ARHGAP29: variants seen among roughly 807,000 people sequenced by gnomAD.
ARHGAP29 encodes rho GTPase-activating protein 29.
A neutral mutation model predicts 122.6 loss-of-function variants in ARHGAP29; 43 were observed. The observed-to-expected ratio is 0.35, with a 90% CI of 0.27 to 0.45. The LOEUF is 0.45. ARHGAP29 is among the 20% of genes least tolerant of loss of function. ARHGAP29 has a pLI of 1.00. For missense variants in ARHGAP29, 1,303 were observed against 1,477.2 expected, an observed-to-expected ratio of 0.88 and a Z score of 1.93; for synonymous variants, 506 against 497.1, an observed-to-expected ratio of 1.02 and a Z score of -0.24.
At position 94,179,890 on chromosome 1, in the gene ARHGAP29, T is replaced by A. The variant is rs1649347683; in HGVS notation, c.2315A>T (p.His772Leu). 15 of 1,613,092 alleles carry A rather than the reference T, an allele frequency of 9.3e-6. No homozygotes were observed. The highest frequency in any genetic ancestry group is 1.3e-5 in the African/African-American group (1 of 74,914). The change falls in exon 20 of 23, where the codon CAT (histidine) becomes CTT (leucine). Residue 772 changes from histidine (H) to leucine (L), a missense_variant. This residue lies in a region of ARHGAP29 where 620 missense variants were observed against 651.2 expected (regional missense o/e 0.95). Transcript: ENST00000260526. Reference protein sequence around the residue: ...EFIDLAKEIQHVNEEQETKKN... With the variant: ...EFIDLAKEIQLVNEEQETKKN... ...TTTTGTCTCTTGTTCTTCATTTACA[T>A]GTTGGATCTCTTTTGCAAGGTCTAT...
the ARHGAP29 span, among the ~76,000 whole-genome samples, chr1:94,308,097 A>G: frequency 1.3e-5 from 2 of 152,182 alleles, no homozygotes; most frequent in Non-Finnish European, 2.9e-5. Context: ...TATTGATTTC[A>G]CTTGACTGAA....
intron 1 of ARHGAP29, among the ~76,000 whole-genome samples, chr1:94,255,586 G>C (rs1397965396): frequency 6.6e-6 from 1 of 152,114 alleles, no homozygotes; most frequent in Non-Finnish European, 1.5e-5. Context: ...TGTTAAGTGC[G>C]GCATTTCTTC....
chr1:94,189,470 A>C, intron 13 of ARHGAP29, 118 bp from the exon 14 acceptor site: 1 of 1,234,288 alleles, frequency 8.1e-7, no homozygotes, highest in Non-Finnish European at 1.1e-6. Flanking sequence ...GAATTAAACT[A>C]AATATTAAAA....
intron 3 of ARHGAP29, among the ~76,000 whole-genome samples, chr1:94,215,309 AAAAAC>A (rs981732260): frequency 1.1e-4 from 17 of 151,710 alleles, no homozygotes; most frequent in Admixed American, 4.6e-4. Flanking sequence ...CAAATCATCA[AAAAAC>A]AAAACAAAAC....
At chr1:94,280,597 G>A in the ARHGAP29 span, among the ~76,000 whole-genome samples, 1 of 152,152 alleles carries the variant, frequency 6.6e-6, no homozygotes, top group African/African-American at 2.4e-5. Context: ...GCAGAACATA[G>A]TAAAGAACAG....
the ARHGAP29 span, among the ~76,000 whole-genome samples, chr1:94,287,544 T>C: frequency 6.6e-6 from 1 of 152,094 alleles, no homozygotes; most frequent in Non-Finnish European, 1.5e-5. Context: ...AGGATACATG[T>C]GCACAACTTG....
In ARHGAP29 at chr1:94,231,567, C is replaced by T; in HGVS notation, c.45G>A (p.Trp15Ter). 2 of 1,613,546 alleles carry T rather than the reference C, an allele frequency of 1.2e-6. No homozygotes were observed. Among genetic ancestry groups the T allele is most frequent in the Non-Finnish European group, 1.7e-6 (2 of 1,179,700 alleles). Residue 15 changes from tryptophan to a stop codon, truncating the protein, a stop_gained, in exon 2 of 23, where the codon TGG (tryptophan) becomes TGA (stop). Coordinates refer to ENST00000260526, the MANE Select transcript of ARHGAP29 (RefSeq NM_004815.4). LOFTEE classifies it high-confidence loss of function. ...TATCAGTAGAGAGTTGACCTGATGC[C>T]CAAGCACGTTTTTTCTTTGTCTTTT... is the stretch of plus-strand genomic sequence containing the variant. The part of the protein sequence containing the change: ...KQKKTKKKRA[W>*]ASGQLSTDIT...
chr1:94,257,022 T>A (rs958970034), intron 1 of ARHGAP29, among the ~76,000 whole-genome samples: 15 of 152,144 alleles, frequency 9.9e-5, no homozygotes, highest in African/African-American at 3.6e-4. Flanking sequence ...ATTCATTGGA[T>A]GGAGGCTGTT....
intron 1 of ARHGAP29, among the ~76,000 whole-genome samples, chr1:94,254,333 A>G (rs1181542827): frequency 6.6e-6 from 1 of 152,224 alleles, no homozygotes; most frequent in Non-Finnish European, 1.5e-5. Flanking sequence ...ACATAACCAT[A>G]TATCCTACTA....
intron 12 of ARHGAP29, among the ~76,000 whole-genome samples, chr1:94,196,256 C>CTTTTTTT (rs917635883): frequency 2.4e-3 from 223 of 91,122 alleles, no homozygotes; most frequent in Non-Finnish European, 3.1e-3. Flanking sequence ...CCGTGTTTTT[C>CTTTTTTT]TTTTTTTTTT....
At chr1:94,245,320 A>G (rs1345958348) in intron 1 of ARHGAP29, among the ~76,000 whole-genome samples, 1 of 152,192 alleles carries the variant, frequency 6.6e-6, no homozygotes, top group Non-Finnish European at 1.5e-5. Flanking sequence ...GATAGTCAAA[A>G]ACAAAACAAC....
At chr1:94,179,203 T>C (rs1354230061) in intron 20 of ARHGAP29, among the ~76,000 whole-genome samples, 4 of 152,214 alleles carry the variant, frequency 2.6e-5, no homozygotes, top group African/African-American at 9.6e-5. Flanking sequence ...TGCATGTACA[T>C]ATATCTTCAA....
intron 1 of ARHGAP29, among the ~76,000 whole-genome samples, chr1:94,259,899 A>G (rs1431170013): frequency 6.6e-6 from 1 of 152,238 alleles, no homozygotes; most frequent in Non-Finnish European, 1.5e-5. Flanking sequence ...TCCCAAGTCA[A>G]AAGTTCAGAG....
At chr1:94,204,311 A>G (rs1017742309) in intron 7 of ARHGAP29, among the ~76,000 whole-genome samples, 1 of 152,094 alleles carries the variant, frequency 6.6e-6, no homozygotes, top group African/African-American at 2.4e-5. Flanking sequence ...TTAATGCAGC[A>G]CTTCTTAATT....
intron 1 of ARHGAP29, among the ~76,000 whole-genome samples, chr1:94,236,851 T>C (rs189007653): frequency 6.6e-6 from 1 of 150,566 alleles, no homozygotes; most frequent in Admixed American, 6.6e-5. Context: ...CCAACTGGAG[T>C]GAGGGCTGCA....
At position 94,170,852 on chromosome 1, in the gene ARHGAP29, G is replaced by A. The variant is rs996702931; in HGVS notation, c.*3017C>T. The stretch of plus-strand genomic sequence containing the variant: ...CTTTTGTTAGACTTATTCTTAGGTA[G>A]AGTATTTTGTATTTTTTAATGATAT... On this transcript the variant is annotated 3_prime_UTR_variant, in exon 23 of 23. Coordinates refer to ENST00000260526, the MANE Select transcript of ARHGAP29 (RefSeq NM_004815.4). 6.6e-6 allele frequency among the ~76,000 whole-genome samples: 1 copy of A among 152,106 alleles called. No individual in the cohort carries two copies. The highest frequency in any genetic ancestry group is 2.4e-5 in the African/African-American group (1 of 41,430).
upstream of ARHGAP29, among the ~76,000 whole-genome samples, chr1:94,276,485 A>C (rs1177746964): frequency 6.6e-6 from 1 of 151,640 alleles, no homozygotes; most frequent in East Asian, 1.9e-4. Flanking sequence ...CTGAGTCTCA[A>C]GCTGGGCACA....
At chr1:94,293,401 C>T in the ARHGAP29 span, among the ~76,000 whole-genome samples, 1 of 152,202 alleles carries the variant, frequency 6.6e-6, no homozygotes, top group Non-Finnish European at 1.5e-5. Flanking sequence ...CTTCCCTTGG[C>T]TATGAAAGGG....
chr1:94,302,458 A>C, the ARHGAP29 span: 2 of 357,370 alleles, frequency 5.6e-6, no homozygotes, highest in African/African-American at 4.3e-5. Flanking sequence ...CAAGATCATC[A>C]GCAATGCCTC....
Sources: allele counts gnomAD v4.1 joint callset (sites outside exome capture counted in the v4.1 genomes callset), GRCh38; gene constraint gnomAD v4.1.1; regional missense constraint gnomAD v4.1.1; transcripts MANE v1.5; gene names NCBI Gene and HGNC (gene_info 2026-07-23, HGNC 2026-07-21).